SLC44A5: variants seen among roughly 807,000 people sequenced by gnomAD.
SLC44A5 encodes the protein solute carrier family 44 member 5, also known as choline transporter-like protein 5.
Under a neutral mutation model 101.8 loss-of-function variants are expected in SLC44A5, and 57 were observed. That is an observed-to-expected ratio of 0.56 (90% CI 0.45 to 0.70). The LOEUF is 0.70. Among genes scored for constraint, SLC44A5 ranks in the 30% least tolerant of loss-of-function variants. The pLI, the probability that SLC44A5 is intolerant of heterozygous loss-of-function variation, is 0.00. For synonymous variants in SLC44A5, 281 were observed against 290.9 expected (o/e 0.97, Z 0.35); for missense variants, 737 against 853.1 (o/e 0.86, Z 1.70).
chr1:75,270,645 G>C (rs1228753198), intron 6 of SLC44A5, among the ~76,000 whole-genome samples: 3 of 152,040 alleles, frequency 2.0e-5, no homozygotes, highest in Non-Finnish European at 2.9e-5. Context: ...AACTGTAAGG[G>C]AAAATCAACA....
At chr1:75,578,326 A>G (rs4949864) in intron 1 of SLC44A5, among the ~76,000 whole-genome samples, 54,084 of 150,630 alleles carry the variant, frequency 0.36, 10,685 homozygotes, top group East Asian at 0.88. Flanking sequence ...AAATAGCACA[A>G]AAAAACATCT....
chr1:75,665,033 C>T, the SLC44A5 span, among the ~76,000 whole-genome samples: 1 of 151,708 alleles, frequency 6.6e-6, no homozygotes, highest in Non-Finnish European at 1.5e-5. Flanking sequence ...CCATACTGCC[C>T]AAAGCAATCA....
intron 7 of SLC44A5, among the ~76,000 whole-genome samples, chr1:75,243,548 T>C (rs1648844766): frequency 6.6e-6 from 1 of 152,064 alleles, no homozygotes; most frequent in South Asian, 2.1e-4. Flanking sequence ...TACCATACAG[T>C]GATAGACTTA....
At chr1:75,490,651 A>T (rs1310872820) in intron 2 of SLC44A5, among the ~76,000 whole-genome samples, 1 of 152,160 alleles carries the variant, frequency 6.6e-6, no homozygotes, top group Non-Finnish European at 1.5e-5. Flanking sequence ...AAGAGAGAAA[A>T]GTTTGTAAAA....
chr1:75,448,017 T>G (rs1665685456), intron 2 of SLC44A5, among the ~76,000 whole-genome samples: 1 of 152,058 alleles, frequency 6.6e-6, no homozygotes, highest in Admixed American at 6.6e-5. Flanking sequence ...TAAAATAATA[T>G]TCAATTAAAT....
chr1:75,293,468 C>T (rs1653725336), intron 5 of SLC44A5, among the ~76,000 whole-genome samples: 1 of 152,106 alleles, frequency 6.6e-6, no homozygotes, highest in African/African-American at 2.4e-5. Context: ...GCTTTCGAAT[C>T]ATTACTTTGT....
intron 4 of SLC44A5, among the ~76,000 whole-genome samples, chr1:75,315,991 T>C (rs1655658311): frequency 6.6e-6 from 1 of 152,224 alleles, no homozygotes; most frequent in African/African-American, 2.4e-5. Context: ...TCATCTCTTA[T>C]ATCTGGAGTG....
chr1:75,334,286 A>T (rs1413542397), intron 4 of SLC44A5, among the ~76,000 whole-genome samples: 1 of 152,190 alleles, frequency 6.6e-6, no homozygotes, highest in East Asian at 1.9e-4. Flanking sequence ...ATATTTGCTG[A>T]ATGCATAAAT....
the SLC44A5 span, among the ~76,000 whole-genome samples, chr1:75,616,993 G>A: frequency 2.0e-5 from 3 of 152,118 alleles, no homozygotes; most frequent in Non-Finnish European, 4.4e-5. Flanking sequence ...TGGAGGAGCT[G>A]TCCTCCCCTC....
intron 2 of SLC44A5, among the ~76,000 whole-genome samples, chr1:75,492,249 T>G (rs1028677961): frequency 6.6e-6 from 1 of 152,198 alleles, no homozygotes; most frequent in African/African-American, 2.4e-5. Context: ...AAGGTCATTC[T>G]CTAGACTTTG....
chr1:75,470,357 T>C (rs2101727408), intron 2 of SLC44A5, among the ~76,000 whole-genome samples: 1 of 152,294 alleles, frequency 6.6e-6, no homozygotes, highest in Non-Finnish European at 1.5e-5. Context: ...CTTATAAATG[T>C]TCCTCACGTA....
At chr1:75,647,815 A>G in the SLC44A5 span, among the ~76,000 whole-genome samples, 5 of 152,314 alleles carry the variant, frequency 3.3e-5, no homozygotes, top group African/African-American at 1.2e-4. Context: ...CCATACTCCC[A>G]TTGTACCTTG....
chr1:75,675,274 T>C, the SLC44A5 span, among the ~76,000 whole-genome samples: 1 of 152,216 alleles, frequency 6.6e-6, no homozygotes. Context: ...TGTTGTGTCT[T>C]CTCTGATTTC....
intron 2 of SLC44A5, among the ~76,000 whole-genome samples, chr1:75,436,892 A>G (rs1010014871): frequency 1.3e-5 from 2 of 152,042 alleles, no homozygotes; most frequent in Non-Finnish European, 2.9e-5. Flanking sequence ...TTTTGTTAAA[A>G]GCTAAGACAT....
intron 3 of SLC44A5, among the ~76,000 whole-genome samples, chr1:75,346,565 C>T (rs112178025): frequency 8.6e-4 from 131 of 152,190 alleles, no homozygotes; most frequent in African/African-American, 3.0e-3. Context: ...TGTGACAAAG[C>T]AGTGAATTTG....
At chr1:75,610,927 A>ATGTG (rs58374130) in intron 1 of SLC44A5, 113 bp downstream of exon 1, 11 of 218,748 alleles carry the variant, frequency 5.0e-5, no homozygotes, top group East Asian at 1.9e-4. Context: ...CACTATATAT[A>ATGTG]TGTGTGTGTG....
chr1:75,543,805 T>C, intron 1 of SLC44A5, among the ~76,000 whole-genome samples: 1 of 151,760 alleles, frequency 6.6e-6, no homozygotes, highest in East Asian at 1.9e-4. Context: ...GTTTGCTAAA[T>C]TGTACTGACA....
At chr1:75,567,576 G>A (rs1264941610) in intron 1 of SLC44A5, among the ~76,000 whole-genome samples, 1 of 152,050 alleles carries the variant, frequency 6.6e-6, no homozygotes, top group African/African-American at 2.4e-5. Context: ...TGGACCTCAG[G>A]GTAAATTACT....
chr1:75,520,607 G>T (rs1670064043), intron 2 of SLC44A5, among the ~76,000 whole-genome samples: 1 of 152,128 alleles, frequency 6.6e-6, no homozygotes, highest in Admixed American at 6.5e-5. Flanking sequence ...GGGAGGAAAG[G>T]AGGGAGACAA....
Sources: allele counts gnomAD v4.1 joint callset (sites outside exome capture counted in the v4.1 genomes callset), GRCh38; gene constraint gnomAD v4.1.1; transcripts MANE v1.5; gene names NCBI Gene and HGNC (gene_info 2026-07-23, HGNC 2026-07-21).